The following MYT1L variants were observed in gnomAD, a reference collection of about 807,000 sequenced individuals.
MYT1L encodes the protein myelin transcription factor 1-like protein.
In MYT1L, 12 loss-of-function variants were observed where a neutral mutation model predicts 126.7. That is an observed-to-expected ratio of 0.09 (90% CI 0.06 to 0.15). MYT1L has a LOEUF of 0.15. MYT1L is among the 10% of genes least tolerant of loss of function. The pLI is 1.00. For synonymous variants in MYT1L, 541 were observed against 604.2 expected, an observed-to-expected ratio of 0.90 and a Z score of 1.53; for missense variants, 979 against 1,585.2, an observed-to-expected ratio of 0.62 and a Z score of 6.49.
At position 1,910,401 on chromosome 2, in the gene MYT1L, C is replaced by A; in HGVS notation, c.1710-54G>T. 6.7e-7 allele frequency: 1 copy of A among 1,484,500 alleles called. No individual in the cohort carries two copies. The highest frequency in any genetic ancestry group is 9.3e-7 in the Non-Finnish European group (1 of 1,074,398). 92.0% of individuals were successfully genotyped at this position (1,484,500 alleles called of 1,614,324 possible). A position where few individuals can be genotyped will look rare whatever the true frequency, so the allele number is the denominator to read the frequency against. The stretch of plus-strand genomic sequence containing the variant: ...TCCCGCCTCAAACACCTTCACAGCA[C>A]ACTAATCCTCCCTTAGCACCAAGAC... On this transcript the variant is annotated intron_variant, in intron 12 of 24. Coordinates refer to ENST00000647738, the MANE Select transcript of MYT1L (RefSeq NM_001303052.2). This position sits in a 1 kb window ranked among gnomAD's most constrained non-coding sequence, Gnocchi z 4.8.
At chr2:1,995,226 G>A (rs893526717) in intron 5 of MYT1L, among the ~76,000 whole-genome samples, 1 of 152,034 alleles carries the variant, frequency 6.6e-6, no homozygotes, top group Non-Finnish European at 1.5e-5. Flanking sequence ...TTTATGTGAC[G>A]GGGTGGATGT....
At chr2:2,011,976 G>T (rs1558734497) in intron 4 of MYT1L, among the ~76,000 whole-genome samples, 1 of 152,212 alleles carries the variant, frequency 6.6e-6, no homozygotes, top group Non-Finnish European at 1.5e-5. Flanking sequence ...TGCCTACGTT[G>T]CTGGTGAGAA....
At chr2:2,309,987 AC>A (rs2095934675) in intron 1 of MYT1L, among the ~76,000 whole-genome samples, 1 of 152,046 alleles carries the variant, frequency 6.6e-6, no homozygotes, top group South Asian at 2.1e-4. Flanking sequence ...GGTATACTGT[AC>A]CCATACTCCA....
At chr2:2,018,163 G>C (rs2064635770) in intron 4 of MYT1L, among the ~76,000 whole-genome samples, 1 of 152,156 alleles carries the variant, frequency 6.6e-6, no homozygotes, top group Non-Finnish European at 1.5e-5. Flanking sequence ...ATGACACTAA[G>C]CAGGTTTGAT....
At chr2:2,065,622 G>A (rs116798832) in intron 3 of MYT1L, among the ~76,000 whole-genome samples, 1 of 152,042 alleles carries the variant, frequency 6.6e-6, no homozygotes, top group African/African-American at 2.4e-5. Flanking sequence ...TGTCTACCCC[G>A]CACTTCTCAG....
At chr2:2,139,458 A>T (rs2083602087) in intron 3 of MYT1L, among the ~76,000 whole-genome samples, 1 of 147,662 alleles carries the variant, frequency 6.8e-6, no homozygotes, top group Middle Eastern at 3.4e-3. Context: ...TGTTTCTACT[A>T]AAAAAAAAAT....
chr2:2,002,875 A>G (rs113846060), intron 4 of MYT1L, among the ~76,000 whole-genome samples: 4 of 151,974 alleles, frequency 2.6e-5, no homozygotes, highest in African/African-American at 9.7e-5. Flanking sequence ...CCTTGCTTGC[A>G]CTTCTCCTTC....
intron 2 of MYT1L, among the ~76,000 whole-genome samples, chr2:2,177,827 A>G (rs1451479314): frequency 6.6e-6 from 1 of 152,134 alleles, no homozygotes; most frequent in East Asian, 1.9e-4. Context: ...GGGGCTTCCA[A>G]TTCAAGATAA....
chr2:2,129,133 A>C (rs2082057187), intron 3 of MYT1L, among the ~76,000 whole-genome samples: 2 of 152,228 alleles, frequency 1.3e-5, no homozygotes, highest in African/African-American at 4.8e-5. Context: ...CTAATCCACA[A>C]ACCCAGAGCA....
intron 3 of MYT1L, among the ~76,000 whole-genome samples, chr2:2,103,722 C>G (rs1171021078): frequency 6.6e-6 from 1 of 152,242 alleles, no homozygotes; most frequent in African/African-American, 2.4e-5. Flanking sequence ...TGCTTCTTTT[C>G]TCACTTATGC....
chr2:1,989,726 G>A (rs2061330061), intron 5 of MYT1L, among the ~76,000 whole-genome samples: 2 of 152,154 alleles, frequency 1.3e-5, no homozygotes, highest in Non-Finnish European at 2.9e-5. Flanking sequence ...GCCAGGTGTG[G>A]TGGCTCACAC....
chr2:2,062,614 A>G lies in MYT1L; in HGVS notation c.-303-8491T>C, dbSNP rs149185976. 2.4e-3 allele frequency among the ~76,000 whole-genome samples: 371 copies of G among 152,254 alleles called. 9 individuals are homozygous for G. The highest frequency in any genetic ancestry group is 0.014 in the East Asian group (74 of 5,182). On this transcript the variant is annotated intron_variant, in intron 3 of 24. Transcript: ENST00000647738. The stretch of plus-strand genomic sequence containing the variant: ...AGACATAATCCCACGCTTCCTATGG[A>G]AAGGTTGTTGGGAGATTTTTAATGA...
chr2:2,092,404 G>A (rs1025212105), intron 3 of MYT1L, among the ~76,000 whole-genome samples: 1 of 152,098 alleles, frequency 6.6e-6, no homozygotes, highest in Admixed American at 6.6e-5. Flanking sequence ...GTGCCCTCCA[G>A]AAATTACAAT....
At chr2:1,982,456 T>TTGGATTCCA (rs2060683150) in intron 5 of MYT1L, among the ~76,000 whole-genome samples, 1 of 152,236 alleles carries the variant, frequency 6.6e-6, no homozygotes, top group South Asian at 2.1e-4. Flanking sequence ...GAGGCTTCCA[T>TTGGATTCCA]TGGATTCCAT....
chr2:1,875,567 G>C (rs886880955), intron 18 of MYT1L, among the ~76,000 whole-genome samples: 2 of 152,176 alleles, frequency 1.3e-5, no homozygotes, highest in Non-Finnish European at 2.9e-5. Context: ...AGTTCTCTGA[G>C]GAGAAGGCGA....
At chr2:2,006,931 TTTTC>T (rs1452300079) in intron 4 of MYT1L, among the ~76,000 whole-genome samples, 2 of 152,142 alleles carry the variant, frequency 1.3e-5, no homozygotes, top group African/African-American at 4.8e-5. Context: ...AATACAATAT[TTTTC>T]TTTCTGCATC....
chr2:2,064,212 C>T (rs1175933380), intron 3 of MYT1L, among the ~76,000 whole-genome samples: 3 of 152,156 alleles, frequency 2.0e-5, no homozygotes, highest in Non-Finnish European at 4.4e-5. Context: ...TCTTCACTCC[C>T]AGAAGCCACT....
At chr2:2,139,703 C>T (rs182725267) in intron 3 of MYT1L, among the ~76,000 whole-genome samples, 18 of 152,012 alleles carry the variant, frequency 1.2e-4, no homozygotes, top group Admixed American at 5.2e-4. Context: ...GGGAGACGTC[C>T]GCACTGCACA....
intron 3 of MYT1L, among the ~76,000 whole-genome samples, chr2:2,127,876 T>C (rs187265947): frequency 3.1e-4 from 47 of 152,318 alleles, no homozygotes; most frequent in Admixed American, 1.2e-3. Context: ...AGTCAAAGAA[T>C]AGGGTTTGAA....
Sources: allele counts gnomAD v4.1 joint callset (sites outside exome capture counted in the v4.1 genomes callset), GRCh38; gene constraint gnomAD v4.1.1; non-coding constraint Gnocchi (gnomAD v3.1); transcripts MANE v1.5; gene names NCBI Gene and HGNC (gene_info 2026-07-23, HGNC 2026-07-21).